The following GPC5 variants were observed in gnomAD, a reference collection of about 807,000 sequenced individuals.
The protein encoded by GPC5 is glypican-5.
Under a neutral mutation model 53.9 loss-of-function variants are expected in GPC5, and 47 were observed. The observed-to-expected ratio is 0.87, with a 90% confidence interval of 0.69 to 1.11. GPC5 has a LOEUF of 1.11. Ranked by LOEUF, GPC5 falls within the 50% of genes most tolerant of loss-of-function variation. The pLI, the probability that GPC5 is intolerant of heterozygous loss-of-function variation, is 0.00. For synonymous variants in GPC5, 286 were observed against 263.3 expected (o/e 1.09, Z -0.84); for missense variants, 748 against 713.1 (o/e 1.05, Z -0.56).
At chr13:91,834,768 C>T (rs2038704028) in intron 5 of GPC5, among the ~76,000 whole-genome samples, 1 of 151,954 alleles carries the variant, frequency 6.6e-6, no homozygotes, top group African/African-American at 2.4e-5. Context: ...AAGACTTAAA[C>T]CAAGGACCTA....
rs1361667631 is a variant in GPC5, at chr13:92,613,400, T to TA, written c.1562-252881dup. Among the ~76,000 whole-genome samples the TA allele has an allele frequency of 3.4e-4, 30 of 88,846 alleles. 1 individual carries two copies. The highest frequency in any genetic ancestry group is 1.8e-4 in the Non-Finnish European group (9 of 50,010). The allele number at this position is 88,846 out of a possible 152,430, so 58.3% of individuals were successfully genotyped here. A position where few individuals can be genotyped will look rare whatever the true frequency, so the allele number is the denominator to read the frequency against. ...ATATATTATATTATATATAAATATA[T>TA]ATTATATTATATATAAATATGATAT... is the stretch of plus-strand genomic sequence containing the variant. On this transcript the variant is annotated intron_variant, in intron 7 of 7. Coordinates refer to ENST00000377067, the MANE Select transcript of GPC5 (RefSeq NM_004466.6).
intron 7 of GPC5, among the ~76,000 whole-genome samples, chr13:92,617,618 A>C (rs1375453252): frequency 6.6e-6 from 1 of 152,084 alleles, no homozygotes; most frequent in African/African-American, 2.4e-5. Context: ...ATATGTATTT[A>C]TGATTTTTTT....
intron 7 of GPC5, among the ~76,000 whole-genome samples, chr13:92,169,865 A>G (rs988915761): frequency 2.6e-5 from 4 of 152,098 alleles, no homozygotes; most frequent in Non-Finnish European, 4.4e-5. Flanking sequence ...GGCTGTGAAC[A>G]TTTGGAACTA....
chr13:91,419,933 T>A (rs1163174779), intron 1 of GPC5, among the ~76,000 whole-genome samples: 1 of 152,186 alleles, frequency 6.6e-6, no homozygotes, highest in Admixed American at 6.6e-5. Context: ...GTTAGTTATG[T>A]CACAGTTAGA....
At chr13:91,981,240 T>G (rs1773667528) in intron 6 of GPC5, among the ~76,000 whole-genome samples, 1 of 152,200 alleles carries the variant, frequency 6.6e-6, no homozygotes, top group African/African-American at 2.4e-5. Context: ...CACAGTGATG[T>G]GTTGATAAAC....
intron 4 of GPC5, among the ~76,000 whole-genome samples, chr13:91,744,721 G>A (rs1184777997): frequency 1.3e-5 from 2 of 152,082 alleles, no homozygotes; most frequent in Admixed American, 6.6e-5. Context: ...TAGATTATAT[G>A]CTTGTTCCGT....
At chr13:92,782,437 G>A (rs1447586516) in intron 7 of GPC5, among the ~76,000 whole-genome samples, 1 of 152,098 alleles carries the variant, frequency 6.6e-6, no homozygotes, top group Non-Finnish European at 1.5e-5. Flanking sequence ...ATGAGAACAA[G>A]GGACTGGATA....
At chr13:92,317,602 T>G (rs2043187972) in intron 7 of GPC5, among the ~76,000 whole-genome samples, 1 of 152,166 alleles carries the variant, frequency 6.6e-6, no homozygotes, top group Non-Finnish European at 1.5e-5. Flanking sequence ...CAAGTGATAC[T>G]CATGCCTCAG....
intron 2 of GPC5, among the ~76,000 whole-genome samples, chr13:91,533,512 G>A (rs1197447778): frequency 1.1e-4 from 16 of 152,154 alleles, no homozygotes. Flanking sequence ...AACAATCTCA[G>A]CCTTTGGCCT....
intron 6 of GPC5, among the ~76,000 whole-genome samples, chr13:92,052,078 G>T (rs1191376355): frequency 6.6e-6 from 1 of 152,168 alleles, no homozygotes; most frequent in Non-Finnish European, 1.5e-5. Flanking sequence ...ATGTGTATTA[G>T]GTCTGATCCA....
At chr13:91,627,681 G>A (rs2034043804) in intron 2 of GPC5, among the ~76,000 whole-genome samples, 1 of 152,048 alleles carries the variant, frequency 6.6e-6, no homozygotes, top group South Asian at 2.1e-4. Flanking sequence ...CTTGAAACAG[G>A]TACTTGAAAT....
At chr13:91,526,739 A>G (rs1886103846) in intron 2 of GPC5, among the ~76,000 whole-genome samples, 1 of 152,176 alleles carries the variant, frequency 6.6e-6, no homozygotes, top group Non-Finnish European at 1.5e-5. Context: ...GAGACTGGGT[A>G]ATTTATGAAG....
chr13:92,824,784 C>T (rs952700855), intron 7 of GPC5, among the ~76,000 whole-genome samples: 4 of 151,344 alleles, frequency 2.6e-5, no homozygotes, highest in Non-Finnish European at 5.9e-5. Flanking sequence ...AAAAATTACT[C>T]CTTATAGTAA....
At chr13:92,543,475 G>A (rs555867237) in intron 7 of GPC5, among the ~76,000 whole-genome samples, 3 of 151,868 alleles carry the variant, frequency 2.0e-5, no homozygotes, top group Non-Finnish European at 4.4e-5. Context: ...ACTGCTCTGG[G>A]TATCCAAGGT....
At chr13:91,490,029 T>C (rs961383047) in intron 2 of GPC5, among the ~76,000 whole-genome samples, 3 of 152,234 alleles carry the variant, frequency 2.0e-5, no homozygotes, top group African/African-American at 7.2e-5. Flanking sequence ...TACCCACTTG[T>C]TCTGTATATT....
rs9561163 is a variant in GPC5, at chr13:92,800,304, G to A, written c.1562-65978G>A. On this transcript the variant is annotated intron_variant, in intron 7 of 7. Transcript: ENST00000377067. ...ATAACATTACGGTGCATGCTACATG[G>A]CCTCTCCCCTTCTCGAGACTATGAA... Among the ~76,000 whole-genome samples the A allele has an allele frequency of 0.025, 3,842 of 151,846 alleles. 382 individuals are homozygous for A. In the East Asian group the frequency reaches 0.32, roughly 13 times the overall value.
In GPC5 at chr13:91,398,689, T is replaced by C. The variant is rs908808310; in HGVS notation, c.-358T>C. 3.5e-3 allele frequency: 799 copies of C among 228,104 alleles called. 13 individuals are homozygous for C. Among genetic ancestry groups the C allele is most frequent in the African/African-American group, 0.018 (769 of 43,610 alleles). The allele number at this position is 228,104 out of a possible 1,614,324, so 14.1% of individuals were successfully genotyped here. A position where few individuals can be genotyped will look rare whatever the true frequency, so the allele number is the denominator to read the frequency against. ...GCGGCGGCGGCGGCAGTGGCGGCAG[T>C]GGCGGCAGTGGCGGCAGCGGCAGCA... On this transcript the variant is annotated 5_prime_UTR_variant, in exon 1 of 8. Coordinates refer to ENST00000377067, the MANE Select transcript of GPC5 (RefSeq NM_004466.6).
chr13:91,962,369 A>G (rs370570040), intron 6 of GPC5, among the ~76,000 whole-genome samples: 8 of 152,304 alleles, frequency 5.3e-5, no homozygotes, highest in African/African-American at 1.9e-4. Context: ...CTTTGTATTT[A>G]AATACCTAGA....
chr13:92,448,577 G>A (rs1877927984), intron 7 of GPC5: 1 of 152,020 alleles, frequency 6.6e-6, no homozygotes, highest in Non-Finnish European at 1.5e-5. Flanking sequence ...ATGTATGTCA[G>A]TATTATCAAT....
Sources: allele counts gnomAD v4.1 joint callset (sites outside exome capture counted in the v4.1 genomes callset), GRCh38; gene constraint gnomAD v4.1.1; transcripts MANE v1.5; gene names NCBI Gene and HGNC (gene_info 2026-07-23, HGNC 2026-07-21).